VTI1A: variants seen among roughly 807,000 people sequenced by gnomAD.
The protein encoded by VTI1A is vesicle transport through interaction with t-SNAREs 1A.
In VTI1A, 22 loss-of-function variants were observed where a neutral mutation model predicts 34.9. The observed-to-expected ratio is 0.63, with a 90% confidence interval of 0.45 to 0.90. The LOEUF (loss-of-function observed/expected upper bound fraction) is 0.90. Among genes scored for constraint, VTI1A ranks in the 40% least tolerant of loss-of-function variants. The pLI is 0.00. For missense variants in VTI1A, 268 were observed against 275.6 expected (o/e 0.97, Z 0.20); for synonymous variants, 87 against 97.3 (o/e 0.89, Z 0.62).
intron 5 of VTI1A, among the ~76,000 whole-genome samples, chr10:112,657,829 GTA>G (rs1464009561): frequency 1.3e-4 from 20 of 151,930 alleles, no homozygotes; most frequent in African/African-American, 4.6e-4. Flanking sequence ...GTTTGTGTGT[GTA>G]TATATATGCC....
At chr10:112,847,420 A>C in the VTI1A span, among the ~76,000 whole-genome samples, 1 of 151,500 alleles carries the variant, frequency 6.6e-6, no homozygotes, top group East Asian at 1.9e-4. Context: ...TAACTTTCCC[A>C]CTCTCTTCTA....
chr10:112,752,194 G>T (rs1851128055), intron 7 of VTI1A, among the ~76,000 whole-genome samples: 1 of 152,196 alleles, frequency 6.6e-6, no homozygotes, highest in Non-Finnish European at 1.5e-5. Flanking sequence ...TTATGAGAGG[G>T]TTGCAGATGC....
chr10:112,565,758 A>T (rs1186425924), intron 5 of VTI1A, among the ~76,000 whole-genome samples: 1 of 152,188 alleles, frequency 6.6e-6, no homozygotes, highest in Non-Finnish European at 1.5e-5. Flanking sequence ...CAGTTTTTAA[A>T]ATGTGTGTTA....
intron 3 of VTI1A, among the ~76,000 whole-genome samples, chr10:112,476,102 TA>T (rs1296055519): frequency 6.6e-6 from 1 of 152,214 alleles, no homozygotes; most frequent in African/African-American, 2.4e-5. Flanking sequence ...CACATCGGTT[TA>T]AAAATTAATG....
At chr10:112,645,850 CATTT>C (rs1271744946) in intron 5 of VTI1A, among the ~76,000 whole-genome samples, 2 of 151,164 alleles carry the variant, frequency 1.3e-5, no homozygotes, top group South Asian at 2.1e-4. Flanking sequence ...TTCACTTGAT[CATTT>C]ATTTATTTAT....
At chr10:112,489,038 A>G (rs1468046104) in intron 3 of VTI1A, among the ~76,000 whole-genome samples, 1 of 152,202 alleles carries the variant, frequency 6.6e-6, no homozygotes, top group Non-Finnish European at 1.5e-5. Context: ...CTTAAACTCA[A>G]GCAACATCAG....
chr10:112,450,799 A>G (rs1847209436), intron 1 of VTI1A: 1 of 152,168 alleles, frequency 6.6e-6, no homozygotes, highest in Non-Finnish European at 1.5e-5. Flanking sequence ...CTATGGCACT[A>G]TATTTGAACA....
At chr10:112,750,001 T>C (rs1468449188) in intron 7 of VTI1A, among the ~76,000 whole-genome samples, 1 of 152,194 alleles carries the variant, frequency 6.6e-6, no homozygotes, top group African/African-American at 2.4e-5. Flanking sequence ...TGCATGTTGA[T>C]ATATATGTAG....
intron 7 of VTI1A, among the ~76,000 whole-genome samples, chr10:112,788,549 C>G (rs556753531): frequency 6.6e-6 from 1 of 152,284 alleles, no homozygotes; most frequent in Non-Finnish European, 1.5e-5. Flanking sequence ...GTGTCTCTTA[C>G]AGACAGGATA....
At chr10:112,820,624 A>G (rs1020115263), downstream of VTI1A, among the ~76,000 whole-genome samples, 1 of 152,242 alleles carries the variant, frequency 6.6e-6, no homozygotes, top group African/African-American at 2.4e-5. Context: ...GGATGAGAGC[A>G]GCCAGGCCCA....
At chr10:112,837,450 T>C in the VTI1A span, among the ~76,000 whole-genome samples, 1 of 152,158 alleles carries the variant, frequency 6.6e-6, no homozygotes, top group Non-Finnish European at 1.5e-5. Context: ...GCCTGCTTGA[T>C]TTCCAGGCGT....
At chr10:112,761,238 T>A (rs867029815) in intron 7 of VTI1A, among the ~76,000 whole-genome samples, 13 of 152,306 alleles carry the variant, frequency 8.5e-5, no homozygotes, top group Middle Eastern at 3.4e-3. Context: ...GCTGAAGTGA[T>A]CACCCTTAGA....
At chr10:112,483,315 C>G (rs1848512551) in intron 3 of VTI1A, among the ~76,000 whole-genome samples, 1 of 152,030 alleles carries the variant, frequency 6.6e-6, no homozygotes, top group South Asian at 2.1e-4. Flanking sequence ...GCAGGGTTGT[C>G]ACTGCATGCA....
At chr10:112,510,107 G>C (rs1849556353) in intron 3 of VTI1A, among the ~76,000 whole-genome samples, 1 of 152,174 alleles carries the variant, frequency 6.6e-6, no homozygotes, top group Non-Finnish European at 1.5e-5. Context: ...TATCTTAGTT[G>C]CCAAATCGAG....
chr10:112,540,502 A>G (rs75184972), intron 5 of VTI1A, among the ~76,000 whole-genome samples: 1,778 of 152,352 alleles, frequency 0.012, 36 homozygotes, highest in African/African-American at 0.04. Flanking sequence ...AAGTAAAGAC[A>G]GATGTGGCTC....
intron 7 of VTI1A, among the ~76,000 whole-genome samples, chr10:112,754,830 G>C (rs1427550003): frequency 1.3e-5 from 2 of 152,158 alleles, no homozygotes; most frequent in Non-Finnish European, 1.5e-5. Context: ...AAGAGGAAAA[G>C]AATTAGTACT....
At chr10:112,504,860 T>C (rs1237001940) in intron 3 of VTI1A, among the ~76,000 whole-genome samples, 3 of 152,180 alleles carry the variant, frequency 2.0e-5, no homozygotes, top group Non-Finnish European at 4.4e-5. Context: ...CACTGTAGTG[T>C]TTATTAGCTT....
At chr10:112,459,601 A>G (rs773234885) in intron 1 of VTI1A, among the ~76,000 whole-genome samples, 1 of 152,166 alleles carries the variant, frequency 6.6e-6, no homozygotes, top group African/African-American at 2.4e-5. Context: ...AGGCCTTTGA[A>G]GAGAGTAGGG....
chr10:112,725,924 C>G (rs546060521), intron 7 of VTI1A, among the ~76,000 whole-genome samples: 8 of 152,288 alleles, frequency 5.3e-5, no homozygotes, highest in African/African-American at 1.7e-4. Flanking sequence ...TTCCACTAGT[C>G]TTTTCTGTCA....
Sources: gnomAD v4.1 joint callset for allele counts (sites outside exome capture counted in the v4.1 genomes callset) on GRCh38, gnomAD v4.1.1 for gene constraint, MANE v1.5 for transcripts, NCBI Gene and HGNC (gene_info 2026-07-23, HGNC 2026-07-21) for gene names.